DKK2: variants seen among roughly 807,000 people sequenced by gnomAD.
DKK2 encodes dickkopf-related protein 2.
Under a neutral mutation model 28.1 loss-of-function variants are expected in DKK2, and 11 were observed. The observed-to-expected ratio is 0.39, with a 90% CI of 0.25 to 0.65. DKK2 has a LOEUF of 0.65. Ranked by LOEUF, DKK2 falls within the 30% of genes least tolerant of loss-of-function variation. DKK2 has a pLI of 0.47. For missense variants in DKK2, 326 were observed against 335.5 expected (o/e 0.97, Z 0.22); for synonymous variants, 135 against 126.5 (o/e 1.07, Z -0.45).
At chr4:107,026,237 T>A (rs963378230) in intron 1 of DKK2, among the ~76,000 whole-genome samples, 13 of 152,206 alleles carry the variant, frequency 8.5e-5, no homozygotes, top group Non-Finnish European at 1.8e-4. Context: ...ATTTGAAGAA[T>A]CCTCTTACTT....
chr4:106,982,908 C>G (rs1340362769), intron 1 of DKK2, among the ~76,000 whole-genome samples: 1 of 143,896 alleles, frequency 6.9e-6, no homozygotes, highest in Non-Finnish European at 1.5e-5. Context: ...GCATAGTCGC[C>G]TTCTATACAT....
chr4:106,927,671 T>C (rs903212711), intron 1 of DKK2, among the ~76,000 whole-genome samples: 3 of 151,784 alleles, frequency 2.0e-5, no homozygotes, highest in Non-Finnish European at 4.4e-5. Context: ...AATCCAAGAC[T>C]GATGAAAACA....
At chr4:106,929,932 A>G (rs1724476771) in intron 1 of DKK2, among the ~76,000 whole-genome samples, 1 of 152,136 alleles carries the variant, frequency 6.6e-6, no homozygotes, top group Non-Finnish European at 1.5e-5. Context: ...TACTAAGAGC[A>G]ATTAATAGTG....
At chr4:107,023,409 T>A (rs2110374469) in intron 1 of DKK2, among the ~76,000 whole-genome samples, 1 of 152,110 alleles carries the variant, frequency 6.6e-6, no homozygotes, top group South Asian at 2.1e-4. Context: ...TATGGTATGA[T>A]TACAACTGCA....
At chr4:106,969,554 A>G in intron 1 of DKK2, among the ~76,000 whole-genome samples, 1 of 152,182 alleles carries the variant, frequency 6.6e-6, no homozygotes, top group Middle Eastern at 3.4e-3. Flanking sequence ...TTAAAAAAAG[A>G]CAGGAGTGAT....
Position 107,035,376 on chromosome 4 carries a change from C to A in DKK2, c.216G>T (p.Leu72=). The A allele has an allele frequency of 1.2e-6, 2 of 1,614,162 alleles. No individual in the cohort carries two copies. Among genetic ancestry groups the A allele is most frequent in the South Asian group, 1.1e-5 (1 of 91,090 alleles). ...AFGGSKKGKN[L]GQAYPCSSDK... is the part of the protein sequence containing the mutation. ...TGTTTGGGGGTTTTCCTACCTGCCC[C>A]AGGTTTTTGCCCTTCTTACTGCCGC... Residue 72 remains leucine (L), a synonymous_variant, in exon 1 of 4, where the codon CTG becomes CTT. Coordinates refer to ENST00000285311, the MANE Select transcript of DKK2 (RefSeq NM_014421.3).
chr4:107,021,996 T>C (rs1429184484), intron 1 of DKK2, among the ~76,000 whole-genome samples: 2 of 152,098 alleles, frequency 1.3e-5, no homozygotes, highest in Admixed American at 6.6e-5. Context: ...GGGACATTGA[T>C]ATCCAGTTTA....
chr4:107,033,207 C>G (rs1462181702), intron 1 of DKK2, among the ~76,000 whole-genome samples: 1 of 152,060 alleles, frequency 6.6e-6, no homozygotes, highest in East Asian at 1.9e-4. Flanking sequence ...ATTTTTTTCA[C>G]AAGCCTAATG....
At chr4:106,942,563 T>G (rs1426730331) in intron 1 of DKK2, among the ~76,000 whole-genome samples, 1 of 152,030 alleles carries the variant, frequency 6.6e-6, no homozygotes, top group Non-Finnish European at 1.5e-5. Flanking sequence ...CTTCAAAAAG[T>G]GAGCTGGGGA....
At chr4:107,001,300 A>G (rs1422581355) in intron 1 of DKK2, among the ~76,000 whole-genome samples, 1 of 152,138 alleles carries the variant, frequency 6.6e-6, no homozygotes, top group African/African-American at 2.4e-5. Flanking sequence ...CAACACCTTG[A>G]TTTTAGATTT....
At chr4:107,032,538 C>G (rs1723890355) in intron 1 of DKK2, among the ~76,000 whole-genome samples, 1 of 152,030 alleles carries the variant, frequency 6.6e-6, no homozygotes, top group African/African-American at 2.4e-5. Context: ...AGAATTTCTT[C>G]TGCAGTGGCA....
chr4:107,014,039 G>A (rs557718372), intron 1 of DKK2, among the ~76,000 whole-genome samples: 1 of 151,618 alleles, frequency 6.6e-6, no homozygotes, highest in South Asian at 2.1e-4. Context: ...CTGTTTGTGG[G>A]AATGAAAATT....
intron 1 of DKK2, among the ~76,000 whole-genome samples, chr4:106,984,936 A>G (rs1723093721): frequency 6.6e-6 from 1 of 152,182 alleles, no homozygotes; most frequent in African/African-American, 2.4e-5. Flanking sequence ...TGGGCCGGGC[A>G]CGGTGGCTCA....
intron 1 of DKK2, among the ~76,000 whole-genome samples, chr4:107,005,555 T>A (rs535525328): frequency 6.6e-6 from 1 of 152,082 alleles, no homozygotes; most frequent in Non-Finnish European, 1.5e-5. Flanking sequence ...ATTCTGATGG[T>A]GCTCCGACAT....
intron 1 of DKK2, among the ~76,000 whole-genome samples, chr4:106,979,077 G>GTTTT (rs374755061): frequency 1.3e-5 from 2 of 149,206 alleles, no homozygotes; most frequent in African/African-American, 2.5e-5. Flanking sequence ...TTTTGTTTTT[G>GTTTT]TTTTTTTTTC....
chr4:107,017,798 C>T (rs1723631694), intron 1 of DKK2, among the ~76,000 whole-genome samples: 1 of 151,768 alleles, frequency 6.6e-6, no homozygotes, highest in Non-Finnish European at 1.5e-5. Flanking sequence ...GTTGTTTTGT[C>T]AAATGCTATG....
chr4:107,001,062 A>AC (rs1027533846), intron 1 of DKK2, among the ~76,000 whole-genome samples: 1 of 152,242 alleles, frequency 6.6e-6, no homozygotes, highest in Admixed American at 6.5e-5. Context: ...CTGACGAAAA[A>AC]AAAAACAAAA....
intron 1 of DKK2, among the ~76,000 whole-genome samples, chr4:107,021,379 G>A (rs1282879709): frequency 7.2e-5 from 11 of 151,780 alleles, no homozygotes; most frequent in Non-Finnish European, 1.5e-4. Context: ...TCTAAAGAAC[G>A]TTCTACATAA....
chr4:107,002,703 C>G (rs1382895270), intron 1 of DKK2, among the ~76,000 whole-genome samples: 1 of 152,164 alleles, frequency 6.6e-6, no homozygotes, highest in East Asian at 1.9e-4. Context: ...AATATTCTAT[C>G]TACTAGACCT....
Sources: gnomAD v4.1 joint callset for allele counts (sites outside exome capture counted in the v4.1 genomes callset) on GRCh38, gnomAD v4.1.1 for gene constraint, MANE v1.5 for transcripts, NCBI Gene and HGNC (gene_info 2026-07-23, HGNC 2026-07-21) for gene names.